Variants in PTPRO observed in about 807,000 individuals in gnomAD.
PTPRO encodes protein tyrosine phosphatase receptor type O.
A neutral mutation model predicts 145.2 loss-of-function variants in PTPRO; 62 were observed. That is an observed-to-expected ratio of 0.43 (90% CI 0.35 to 0.53). The LOEUF is 0.53. Among genes scored for constraint, PTPRO ranks in the 20% least tolerant of loss-of-function variants. The pLI is 0.01. For synonymous variants in PTPRO, 565 were observed against 514.7 expected (o/e 1.10, Z -1.32); for missense variants, 1,345 against 1,482.7 (o/e 0.91, Z 1.53).
chr12:15,533,983 G>T (rs1565690301), intron 12 of PTPRO, among the ~76,000 whole-genome samples: 2 of 152,112 alleles, frequency 1.3e-5, no homozygotes, highest in Admixed American at 1.3e-4. Context: ...AATCTAATGT[G>T]TCATGTGCAA....
intron 1 of PTPRO, among the ~76,000 whole-genome samples, chr12:15,448,357 A>AAAAAAAAAAAAAAAAAAAAAAAAAAAC (rs1565635332): frequency 6.7e-6 from 1 of 149,540 alleles, no homozygotes; most frequent in Admixed American, 6.7e-5. Flanking sequence ...AAAAAAAAAA[A>AAAAAAAAAAAAAAAAAAAAAAAAAAAC]AAAGCACCGA....
rs541959856 is a variant in PTPRO at position 15,439,371 on chromosome 12, T to C, written c.76-44603T>C. Reference sequence around the variant, plus strand: ...TATAAAGCAACTACACAATAGAAACTACAAAGCAACCAGCTAACAACCTCA... The same window carrying C: ...TATAAAGCAACTACACAATAGAAACCACAAAGCAACCAGCTAACAACCTCA... On this transcript the variant is annotated intron_variant, in intron 1 of 26. Coordinates refer to ENST00000281171, the MANE Select transcript of PTPRO (RefSeq NM_030667.3). 2.3e-3 allele frequency among the ~76,000 whole-genome samples: 352 copies of C among 152,166 alleles called. 1 individual carries two copies. Among genetic ancestry groups the C allele is most frequent in the African/African-American group, 8.0e-3 (333 of 41,484 alleles).
At chr12:15,377,145 A>G (rs1938713379) in intron 1 of PTPRO, among the ~76,000 whole-genome samples, 2 of 152,170 alleles carry the variant, frequency 1.3e-5, no homozygotes, top group South Asian at 4.1e-4. Flanking sequence ...ATTTTAAATT[A>G]AGTTGTTAAG....
intron 1 of PTPRO, among the ~76,000 whole-genome samples, chr12:15,452,869 CA>C (rs1264999758): frequency 6.6e-5 from 10 of 152,228 alleles, no homozygotes; most frequent in African/African-American, 2.4e-4. Flanking sequence ...ATAGGTGCAA[CA>C]CTCTTTTCTG....
chr12:15,505,722 A>C (rs1184310777), intron 6 of PTPRO, among the ~76,000 whole-genome samples: 1 of 152,234 alleles, frequency 6.6e-6, no homozygotes, highest in Non-Finnish European at 1.5e-5. Context: ...AGGGTGGCTT[A>C]CGTTTGCTCA....
At chr12:15,592,401 T>C (rs573260856) in intron 25 of PTPRO, among the ~76,000 whole-genome samples, 67 of 152,294 alleles carry the variant, frequency 4.4e-4, no homozygotes, top group African/African-American at 1.6e-3. Flanking sequence ...TAGACCATAT[T>C]TCCTCCCATC....
chr12:15,384,598 TTATA>T (rs1938964570), intron 1 of PTPRO, among the ~76,000 whole-genome samples: 1 of 152,154 alleles, frequency 6.6e-6, no homozygotes, highest in Non-Finnish European at 1.5e-5. Context: ...ACCCTCCACT[TTATA>T]ACCCTTTTGA....
At chr12:15,340,712 TCAA>T (rs1430447867) in intron 1 of PTPRO, among the ~76,000 whole-genome samples, 1 of 152,152 alleles carries the variant, frequency 6.6e-6, no homozygotes, top group African/African-American at 2.4e-5. Flanking sequence ...GCTTTTATGG[TCAA>T]CGTTAGAAGC....
intron 19 of PTPRO, among the ~76,000 whole-genome samples, chr12:15,570,180 T>C (rs1461077805): frequency 6.6e-6 from 1 of 152,196 alleles, no homozygotes; most frequent in African/African-American, 2.4e-5. Context: ...AGATAATTAG[T>C]TCTCACTTTT....
Position 15,446,457 on chromosome 12 carries a change from G to A in PTPRO, c.76-37517G>A, listed in dbSNP as rs781473196. Among the ~76,000 whole-genome samples the A allele has an allele frequency of 1.8e-3, 271 of 151,952 alleles. 3 individuals are homozygous for A. The highest frequency in any genetic ancestry group is 1.2e-3 in the Non-Finnish European group (80 of 67,954). ...ACTAAAATAATGGGAGACTCATTCC[G>A]TTCTTCCTTATTTACCTGGAAATAT... is the stretch of plus-strand genomic sequence containing the variant. On this transcript the variant is annotated intron_variant, in intron 1 of 26. Transcript: ENST00000281171.
At chr12:15,589,113 C>T (rs139765696) in intron 24 of PTPRO, among the ~76,000 whole-genome samples, 1,577 of 152,260 alleles carry the variant, frequency 0.01, 47 homozygotes, top group Admixed American at 0.068. Context: ...AGGTGGCTCA[C>T]GCCTCTAATC....
At chr12:15,477,666 C>T (rs889511342) in intron 1 of PTPRO, among the ~76,000 whole-genome samples, 3 of 152,034 alleles carry the variant, frequency 2.0e-5, no homozygotes, top group Non-Finnish European at 4.4e-5. Flanking sequence ...GAGCGTGAGT[C>T]GGGACAAAGT....
At chr12:15,391,950 T>C (rs1939200278) in intron 1 of PTPRO, among the ~76,000 whole-genome samples, 1 of 152,122 alleles carries the variant, frequency 6.6e-6, no homozygotes, top group Non-Finnish European at 1.5e-5. Flanking sequence ...ACTGAGTGCA[T>C]GTATCACATC....
intron 1 of PTPRO, among the ~76,000 whole-genome samples, chr12:15,455,748 G>C (rs1445075910): frequency 6.6e-6 from 1 of 152,078 alleles, no homozygotes; most frequent in Non-Finnish European, 1.5e-5. Context: ...TTCTAACAGT[G>C]TTTTTTGGTG....
intron 1 of PTPRO, among the ~76,000 whole-genome samples, chr12:15,384,251 C>A (rs1000392407): frequency 6.6e-6 from 1 of 152,140 alleles, no homozygotes; most frequent in African/African-American, 2.4e-5. Context: ...ATGCTGATTT[C>A]AATTCCTTTG....
At chr12:15,410,104 A>G (rs1318874763) in intron 1 of PTPRO, among the ~76,000 whole-genome samples, 2 of 152,258 alleles carry the variant, frequency 1.3e-5, no homozygotes, top group East Asian at 1.9e-4. Flanking sequence ...AGACAGACAA[A>G]CAGAAAGCAG....
intron 23 of PTPRO, among the ~76,000 whole-genome samples, chr12:15,582,382 A>C (rs978514398): frequency 6.6e-6 from 1 of 152,230 alleles, no homozygotes; most frequent in African/African-American, 2.4e-5. Context: ...AGACCAACCC[A>C]ATGAGCACTT....
chr12:15,512,499 G>A (rs1425460723), intron 7 of PTPRO, among the ~76,000 whole-genome samples: 1 of 152,112 alleles, frequency 6.6e-6, no homozygotes, highest in Non-Finnish European at 1.5e-5. Flanking sequence ...TCTAGAAGAA[G>A]GCATATCAAA....
chr12:15,464,043 G>A (rs988027937), intron 1 of PTPRO, among the ~76,000 whole-genome samples: 7 of 152,060 alleles, frequency 4.6e-5, no homozygotes, highest in African/African-American at 1.4e-4. Flanking sequence ...GTACTTCAAT[G>A]GCTAAAATCT....
Sources: gnomAD v4.1 joint callset for allele counts (sites outside exome capture counted in the v4.1 genomes callset) on GRCh38, gnomAD v4.1.1 for gene constraint, MANE v1.5 for transcripts, NCBI Gene and HGNC (gene_info 2026-07-23, HGNC 2026-07-21) for gene names.